Variants in PDIA4 observed in about 807,000 individuals in gnomAD.
The protein encoded by PDIA4 is protein disulfide isomerase family A member 4.
Under a neutral mutation model 62.1 loss-of-function variants are expected in PDIA4, and 33 were observed. The ratio of observed to expected loss-of-function variants is 0.53; its 90% CI spans 0.40 to 0.71. The LOEUF is 0.71. Ranked by LOEUF, PDIA4 falls within the 30% of genes least tolerant of loss-of-function variation. The pLI, the probability that PDIA4 is intolerant of heterozygous loss-of-function variation, is 0.00. For missense variants in PDIA4, 804 were observed against 813.6 expected (o/e 0.99, Z 0.14); for synonymous variants, 341 against 324.1 (o/e 1.05, Z -0.56).
chr7:149,009,075 C>T lies in PDIA4; in HGVS notation c.980-765G>A, dbSNP rs145933366. On this transcript the variant is annotated intron_variant, in intron 6 of 9. Transcript: ENST00000652332. ...CCTCCCAAGTAGCTGGGACTATAGGCATATGCCATCATGCCTGGCTATGTT... is the reference window on the plus strand; with the variant it reads ...CCTCCCAAGTAGCTGGGACTATAGGTATATGCCATCATGCCTGGCTATGTT... 2.7e-3 allele frequency among the ~76,000 whole-genome samples: 415 copies of T among 152,292 alleles called. 2 individuals carry two copies. The highest frequency in any genetic ancestry group is 9.6e-3 in the African/African-American group (397 of 41,568).
In PDIA4 at chr7:149,006,083, C is replaced by A. The variant is rs374450596; in HGVS notation, c.1132-30G>T. 20 of 1,531,770 alleles carry A rather than the reference C, an allele frequency of 1.3e-5. No individual in the cohort carries two copies. The African/African-American group carries it at 2.2e-4, about 17-fold the overall frequency. 94.9% of individuals were successfully genotyped at this position (1,531,770 alleles called of 1,614,324 possible). ...TTCAAAGAGGGAACAGGTGAGGGGGCCCACCATCTCCCCACCATTGTTCTT... is the reference window on the plus strand; with the variant it reads ...TTCAAAGAGGGAACAGGTGAGGGGGACCACCATCTCCCCACCATTGTTCTT... On this transcript the variant is annotated intron_variant, in intron 7 of 9. Transcript: ENST00000652332.
chr7:149,005,867 C>T (rs12333828), intron 8 of PDIA4, 30 bp downstream of exon 8: 3 of 955,882 alleles, frequency 3.1e-6, no homozygotes, highest in Non-Finnish European at 4.2e-6. Context: ...CCACCCCCCA[C>T]CCCCGCAGGT....
chr7:149,014,476 T>A (rs973515752), intron 4 of PDIA4, among the ~76,000 whole-genome samples: 9 of 151,858 alleles, frequency 5.9e-5, no homozygotes, highest in African/African-American at 2.2e-4. Flanking sequence ...GGCTCCCCTC[T>A]CCCTTGAGAG....
At chr7:149,008,046 G>A (rs1329471225) in intron 7 of PDIA4, 113 bp downstream of exon 7, 2 of 1,016,340 alleles carry the variant, frequency 2.0e-6, no homozygotes, top group East Asian at 2.6e-5. Flanking sequence ...AGGAGTTCCA[G>A]ACCCTGCAGA....
In PDIA4 at chr7:149,021,095, TTCCTCCTCCTCC is replaced by T; in HGVS notation, c.129_140del (p.Glu44_Glu47del). ...AGTCGTCTTCTTCCTCATCATCATC[TTCCTCCTCCTCC>T]TCCTCTTCATCCTCAATGGCATTTT... On this transcript the variant is annotated inframe_deletion, in exon 2 of 10. Coordinates refer to ENST00000652332, the MANE Select transcript of PDIA4 (RefSeq NM_004911.5). 6.2e-7 allele frequency: 1 copy of T among 1,609,418 alleles called. No individual in the cohort carries two copies. The highest frequency in any genetic ancestry group is 8.5e-7 in the Non-Finnish European group (1 of 1,176,566).
In PDIA4 at chr7:149,004,131, G is replaced by A. The variant is rs759821961; in HGVS notation, c.1601C>T (p.Thr534Ile). Residue 534 changes from threonine to isoleucine, a missense_variant, in exon 10 of 10, where the codon ACC becomes ATC. Transcript: ENST00000652332. Reference sequence around the variant, plus strand: ...GGGGTCCATCACAATGGAGTCAAAGGTCTTTCCCACCACGACCTTGACGGG... The same window carrying A: ...GGGGTCCATCACAATGGAGTCAAAGATCTTTCCCACCACGACCTTGACGGG... ...KGPVKVVVGK[T>I]FDSIVMDPKK... 12 of 1,613,984 alleles carry A rather than the reference G, an allele frequency of 7.4e-6. No individual in the cohort carries two copies. The South Asian group carries it at 8.8e-5, about 12-fold the overall frequency.
intron 1 of PDIA4, among the ~76,000 whole-genome samples, chr7:149,026,362 A>G (rs904533703): frequency 1.3e-5 from 2 of 152,060 alleles, no homozygotes; most frequent in East Asian, 3.9e-4. Context: ...AAGAAAAAAA[A>G]TAGCCAGGCT....
chr7:149,026,145 T>G (rs1824546986), intron 1 of PDIA4, among the ~76,000 whole-genome samples: 1 of 151,832 alleles, frequency 6.6e-6, no homozygotes, highest in Non-Finnish European at 1.5e-5. Flanking sequence ...AGTGCAGACT[T>G]GAAATAAATC....
intron 1 of PDIA4, among the ~76,000 whole-genome samples, chr7:149,024,984 C>T (rs1357301862): frequency 2.1e-5 from 3 of 145,798 alleles, no homozygotes; most frequent in Non-Finnish European, 4.5e-5. Flanking sequence ...ATTAGCTGGG[C>T]GTGGTGACAC....
chr7:149,005,748 C>T (rs1172754293), intron 8 of PDIA4, 149 bp downstream of exon 8: 2 of 600,096 alleles, frequency 3.3e-6, no homozygotes, highest in Non-Finnish European at 5.6e-6. Flanking sequence ...AAAAAATATA[C>T]CTGAGCCACC....
intron 7 of PDIA4, 81 bp from the exon 8 acceptor site, chr7:149,006,134 G>A (rs1823751004): frequency 2.1e-6 from 3 of 1,443,254 alleles, no homozygotes; most frequent in Admixed American, 3.0e-5. Flanking sequence ...GGGACTTTGG[G>A]GGAGTGGCGA....
rs920876619 is a variant in PDIA4, at chr7:149,028,437, G to A, written c.-29C>T. 14 of 1,422,280 alleles carry A rather than the reference G, an allele frequency of 9.8e-6. No individual in the cohort carries two copies. The East Asian group carries it at 2.9e-4, about 30-fold the overall frequency. 88.1% of individuals were successfully genotyped at this position (1,422,280 alleles called of 1,614,324 possible). The stretch of plus-strand genomic sequence containing the variant: ...AGCGGGGGCGGAGCGCGGCCTCCTA[G>A]CGTCGGCGGCCGCTGAGCGCACCGA... On this transcript the variant is annotated 5_prime_UTR_variant, in exon 1 of 10. Coordinates refer to ENST00000652332, the MANE Select transcript of PDIA4 (RefSeq NM_004911.5).
intron 7 of PDIA4, 38 bp from the exon 8 acceptor site, chr7:149,006,091 C>T (rs767631177): frequency 6.5e-7 from 1 of 1,530,528 alleles, no homozygotes. Flanking sequence ...GGCCCACCAT[C>T]TCCCCACCAT....
At position 149,003,725 on chromosome 7, in the gene PDIA4, GCGT is replaced by G; in HGVS notation, c.*66_*68del. On this transcript the variant is annotated 3_prime_UTR_variant, in exon 10 of 10. Coordinates refer to ENST00000652332, the MANE Select transcript of PDIA4 (RefSeq NM_004911.5). The stretch of plus-strand genomic sequence containing the variant: ...ATACTGTCGTTTGTTGCCGGCCTCG[GCGT>G]GGACGCCCCGACCATGGGCCACGCA... 1 of 1,244,408 alleles carries G rather than the reference GCGT, an allele frequency of 8.0e-7. No individual in the cohort carries two copies. The highest frequency in any genetic ancestry group is 1.5e-5 in the African/African-American group (1 of 64,610). The allele number at this position is 1,244,408 out of a possible 1,614,324, so 77.1% of individuals were successfully genotyped here.
intron 3 of PDIA4, among the ~76,000 whole-genome samples, chr7:149,017,524 C>T (rs868347078): frequency 6.6e-6 from 1 of 151,980 alleles, no homozygotes; most frequent in Non-Finnish European, 1.5e-5. Context: ...GTGGAGGTTG[C>T]GGTGAGCTGA....
Position 149,006,249 on chromosome 7 carries a change from G to A in PDIA4, c.1132-196C>T, listed in dbSNP as rs907540983. Reference sequence around the variant, plus strand: ...GTCTTTTGGGGCTCCTTTCCCTCCAGTGAACCGTAGGTGGCTTCTTGGGAA... The same window carrying A: ...GTCTTTTGGGGCTCCTTTCCCTCCAATGAACCGTAGGTGGCTTCTTGGGAA... On this transcript the variant is annotated intron_variant, in intron 7 of 9. Transcript: ENST00000652332. The A allele has an allele frequency of 1.5e-5, 8 of 530,082 alleles. No homozygotes were observed. In the African/African-American group the frequency reaches 1.6e-4, roughly 11 times the overall value. 32.8% of individuals were successfully genotyped at this position (530,082 alleles called of 1,614,324 possible). A position where few individuals can be genotyped will look rare whatever the true frequency, so the allele number is the denominator to read the frequency against.
chr7:149,021,653 G>T (rs897844891), intron 1 of PDIA4, among the ~76,000 whole-genome samples: 1 of 152,096 alleles, frequency 6.6e-6, no homozygotes, highest in African/African-American at 2.4e-5. Context: ...TCAGAGGGAG[G>T]TCATGGCTAA....
chr7:149,007,304 T>C (rs935647366), intron 7 of PDIA4, among the ~76,000 whole-genome samples: 1 of 152,102 alleles, frequency 6.6e-6, no homozygotes, highest in African/African-American at 2.4e-5. Flanking sequence ...ATTCCTGTCC[T>C]GTCACACCCC....
At chr7:149,022,720 T>G (rs993761854) in intron 1 of PDIA4, among the ~76,000 whole-genome samples, 11 of 152,152 alleles carry the variant, frequency 7.2e-5, no homozygotes, top group Non-Finnish European at 8.8e-5. Context: ...TGTGGCTGCC[T>G]AGCCACGGAG....
Sources: allele counts gnomAD v4.1 joint callset (sites outside exome capture counted in the v4.1 genomes callset), GRCh38; gene constraint gnomAD v4.1.1; transcripts MANE v1.5; gene names NCBI Gene and HGNC (gene_info 2026-07-23, HGNC 2026-07-21).